EXOC6B: variants seen among roughly 807,000 people sequenced by gnomAD.
The protein encoded by EXOC6B is SEC15 homolog B.
In EXOC6B, 54 loss-of-function variants were observed where a neutral mutation model predicts 113.5. That is an observed-to-expected ratio of 0.48 (90% CI 0.38 to 0.60). EXOC6B has a LOEUF of 0.60. Among genes scored for constraint, EXOC6B ranks in the 20% least tolerant of loss-of-function variants. EXOC6B has a pLI of 0.00. For missense variants in EXOC6B, 797 were observed against 977.5 expected (o/e 0.82, Z 2.46); for synonymous variants, 357 against 339.0 (o/e 1.05, Z -0.58).
At chr2:72,479,940 T>C (rs1225563850) in intron 17 of EXOC6B, among the ~76,000 whole-genome samples, 1 of 152,162 alleles carries the variant, frequency 6.6e-6, no homozygotes, top group East Asian at 1.9e-4. Flanking sequence ...TGGTGGTTCA[T>C]GCCCGCAATC....
chr2:72,693,279 G>A (rs1258051012), intron 6 of EXOC6B, among the ~76,000 whole-genome samples: 4 of 150,670 alleles, frequency 2.7e-5, no homozygotes, highest in Non-Finnish European at 5.9e-5. Flanking sequence ...TATGTATAAG[G>A]TTTGCAGGTT....
rs968480205 is a variant in EXOC6B at position 72,496,478 on chromosome 2, T to C, written c.1419A>G (p.Pro473=). The C allele has an allele frequency of 6.3e-7, 1 of 1,597,760 alleles. No homozygotes were observed. Among genetic ancestry groups the C allele is most frequent in the Admixed American group, 1.7e-5 (1 of 58,556 alleles). ...EMYKKVVGQF[P]FQDIELEKQP... ...CCTTTTCCAGTTCTATATCTTGAAA[T>C]GGGAATTGTCCTACCACCTTTTTGT... The change falls in exon 14 of 22, where the codon CCA becomes CCG. Residue 473 remains proline (P), a synonymous_variant. Coordinates refer to ENST00000272427, the MANE Select transcript of EXOC6B (RefSeq NM_015189.3).
intron 1 of EXOC6B, among the ~76,000 whole-genome samples, chr2:72,805,737 T>G (rs1685545911): frequency 6.6e-6 from 1 of 152,184 alleles, no homozygotes; most frequent in Non-Finnish European, 1.5e-5. Context: ...AAGATTTTCA[T>G]CTTGTCTAAC....
chr2:72,642,807 T>C (rs1352875121), intron 6 of EXOC6B, among the ~76,000 whole-genome samples: 1 of 151,678 alleles, frequency 6.6e-6, no homozygotes, highest in Non-Finnish European at 1.5e-5. Context: ...CAAAAGAAAC[T>C]AACATCAGAG....
intron 20 of EXOC6B, among the ~76,000 whole-genome samples, chr2:72,222,287 G>A (rs1427503270): frequency 6.6e-6 from 1 of 152,222 alleles, no homozygotes; most frequent in Non-Finnish European, 1.5e-5. Context: ...AAAGTTCAAA[G>A]GGTTGGCTCT....
chr2:72,406,881 C>A (rs1693809730), intron 18 of EXOC6B, among the ~76,000 whole-genome samples: 1 of 151,732 alleles, frequency 6.6e-6, no homozygotes, highest in African/African-American at 2.4e-5. Flanking sequence ...ATCAGAGACA[C>A]AAAAAAACCC....
At chr2:72,377,077 T>C (rs777544299) in intron 19 of EXOC6B, among the ~76,000 whole-genome samples, 3 of 152,122 alleles carry the variant, frequency 2.0e-5, no homozygotes, top group East Asian at 3.8e-4. Flanking sequence ...GATATGCATA[T>C]GGCCAACAGG....
intron 8 of EXOC6B, among the ~76,000 whole-genome samples, chr2:72,551,640 G>T (rs545464538): frequency 6.6e-6 from 1 of 151,966 alleles, no homozygotes; most frequent in Non-Finnish European, 1.5e-5. Flanking sequence ...GAGTAGCTGG[G>T]ACTACAGGCG....
At chr2:72,562,711 C>T (rs1328279948) in intron 7 of EXOC6B, among the ~76,000 whole-genome samples, 2 of 152,090 alleles carry the variant, frequency 1.3e-5, no homozygotes, top group African/African-American at 4.8e-5. Flanking sequence ...TGTGGTAGGA[C>T]GTTGTCATTT....
At chr2:72,645,562 T>A (rs371749137) in intron 6 of EXOC6B, among the ~76,000 whole-genome samples, 17 of 152,172 alleles carry the variant, frequency 1.1e-4, no homozygotes, top group African/African-American at 3.4e-4. Flanking sequence ...TCAGCAAATA[T>A]AAAAGAACAG....
chr2:72,433,688 C>G (rs1695680958), intron 18 of EXOC6B, among the ~76,000 whole-genome samples: 2 of 152,202 alleles, frequency 1.3e-5, no homozygotes, highest in South Asian at 4.1e-4. Context: ...GGAGCTCACT[C>G]ATGATGTGGC....
At chr2:72,335,546 T>C (rs1188800396) in intron 19 of EXOC6B, among the ~76,000 whole-genome samples, 1 of 116,244 alleles carries the variant, frequency 8.6e-6, no homozygotes, top group Non-Finnish European at 1.7e-5. Flanking sequence ...GACTGCATTA[T>C]TGCACACACA....
chr2:72,823,614 T>A (rs1356879826), intron 1 of EXOC6B, among the ~76,000 whole-genome samples: 1 of 151,722 alleles, frequency 6.6e-6, no homozygotes. Flanking sequence ...TGAAACCCCA[T>A]CTCTATATGA....
At chr2:72,406,808 G>A (rs1269501049) in intron 18 of EXOC6B, among the ~76,000 whole-genome samples, 1 of 152,108 alleles carries the variant, frequency 6.6e-6, no homozygotes, top group Non-Finnish European at 1.5e-5. Flanking sequence ...AGAAGCAAGA[G>A]CAAACACATT....
intron 18 of EXOC6B, among the ~76,000 whole-genome samples, chr2:72,461,139 A>C (rs552898867): frequency 6.8e-6 from 1 of 147,242 alleles, no homozygotes; most frequent in African/African-American, 2.5e-5. Context: ...GTTCTCATTC[A>C]TAGGTGGGAA....
Position 72,767,808 on chromosome 2 carries a change from T to TAAAAAAAAAAA in EXOC6B, c.114-26350_114-26340dup, listed in dbSNP as rs34358568. Among the ~76,000 whole-genome samples, 16 of 12,688 alleles carry TAAAAAAAAAAA rather than the reference T, an allele frequency of 1.3e-3. 4 individuals are homozygous for TAAAAAAAAAAA. Among genetic ancestry groups the TAAAAAAAAAAA allele is most frequent in the South Asian group, 4.8e-3 (1 of 210 alleles). The allele number at this position is 12,688 out of a possible 152,430, so 8.3% of individuals were successfully genotyped here. A position where few individuals can be genotyped will look rare whatever the true frequency, so the allele number is the denominator to read the frequency against. ...AGCCTGGGAGACACAGAGACCTTGT[T>TAAAAAAAAAAA]AAAAAAAAAAAAAAAAAAAAAAAAA... On this transcript the variant is annotated intron_variant, in intron 1 of 21. Coordinates refer to ENST00000272427, the MANE Select transcript of EXOC6B (RefSeq NM_015189.3).
intron 6 of EXOC6B, among the ~76,000 whole-genome samples, chr2:72,701,285 T>A (rs1052515917): frequency 2.1e-5 from 3 of 144,484 alleles, no homozygotes; most frequent in Non-Finnish European, 4.5e-5. Flanking sequence ...AAGGATGCAG[T>A]GAGCCGAGAT....
At chr2:72,304,700 A>C (rs1392548030) in intron 20 of EXOC6B, among the ~76,000 whole-genome samples, 1 of 152,200 alleles carries the variant, frequency 6.6e-6, no homozygotes, top group Non-Finnish European at 1.5e-5. Context: ...TCTTCATGGT[A>C]TGAAAAGGTT....
chr2:72,785,515 G>A (rs760016763), intron 1 of EXOC6B, among the ~76,000 whole-genome samples: 22 of 152,250 alleles, frequency 1.4e-4, no homozygotes, highest in Non-Finnish European at 2.2e-4. Context: ...CTAGGCAGAG[G>A]TTCCTAAACC....
Sources: gnomAD v4.1 joint callset for allele counts (sites outside exome capture counted in the v4.1 genomes callset) on GRCh38, gnomAD v4.1.1 for gene constraint, MANE v1.5 for transcripts, NCBI Gene and HGNC (gene_info 2026-07-23, HGNC 2026-07-21) for gene names.